The following CDH18 variants were observed in gnomAD, a reference collection of about 807,000 sequenced individuals.
CDH18 encodes the protein cadherin 18.
CDH18 carries 31 observed loss-of-function variants against 67.9 expected under a neutral mutation model. That is an observed-to-expected ratio of 0.46 (90% CI 0.34 to 0.62). CDH18 has a LOEUF of 0.62. Ranked by LOEUF, CDH18 falls within the 20% of genes least tolerant of loss-of-function variation. The pLI, the probability that CDH18 is intolerant of heterozygous loss-of-function variation, is 0.01. For missense variants in CDH18, 890 were observed against 975.5 expected (o/e 0.91, Z 1.17); for synonymous variants, 362 against 347.2 (o/e 1.04, Z -0.48).
At chr5:19,969,868 CCTAAAG>C (rs1797855484) in intron 2 of CDH18, among the ~76,000 whole-genome samples, 1 of 151,606 alleles carries the variant, frequency 6.6e-6, no homozygotes. Flanking sequence ...AAGAAGGTGT[CCTAAAG>C]AGTTTATAAA....
At chr5:20,287,870 T>A (rs974794694) in intron 1 of CDH18, among the ~76,000 whole-genome samples, 2 of 151,722 alleles carry the variant, frequency 1.3e-5, no homozygotes, top group African/African-American at 4.8e-5. Context: ...AGAAGAAAAA[T>A]GGCTTCATTG....
intron 3 of CDH18, among the ~76,000 whole-genome samples, chr5:19,748,134 G>GAAA (rs1554022366): frequency 3.0e-5 from 2 of 67,148 alleles, no homozygotes; most frequent in Non-Finnish European, 5.1e-5. Context: ...AAAAAAAAAA[G>GAAA]AGTACTTTTT....
intron 2 of CDH18, among the ~76,000 whole-genome samples, chr5:19,932,583 A>G (rs767108845): frequency 2.6e-5 from 4 of 151,668 alleles, no homozygotes; most frequent in Non-Finnish European, 4.4e-5. Flanking sequence ...CACACCTTGA[A>G]TTTACAAGCA....
At chr5:19,791,944 C>G (rs561103197) in intron 3 of CDH18, among the ~76,000 whole-genome samples, 1 of 152,124 alleles carries the variant, frequency 6.6e-6, no homozygotes, top group Non-Finnish European at 1.5e-5. Flanking sequence ...CCACAACAGA[C>G]TACTTTTTAG....
intron 3 of CDH18, among the ~76,000 whole-genome samples, chr5:19,769,489 G>C (rs1402899469): frequency 6.6e-6 from 1 of 152,026 alleles, no homozygotes; most frequent in Non-Finnish European, 1.5e-5. Flanking sequence ...AATGTTCCTA[G>C]ATAAACAACT....
At chr5:19,802,091 G>A (rs1366968086) in intron 3 of CDH18, among the ~76,000 whole-genome samples, 4 of 152,098 alleles carry the variant, frequency 2.6e-5, no homozygotes, top group African/African-American at 4.8e-5. Flanking sequence ...TAAATCATAC[G>A]TAAAAGAGAA....
At chr5:19,553,096 T>C (rs1309708514) in intron 8 of CDH18, among the ~76,000 whole-genome samples, 1 of 152,174 alleles carries the variant, frequency 6.6e-6, no homozygotes, top group African/African-American at 2.4e-5. Context: ...TTTACTCAAA[T>C]ATTTTCTTCC....
At position 19,839,081 on chromosome 5, in the gene CDH18, G is replaced by A. The variant is rs1293446823; in HGVS notation, c.-95C>T. 3.3e-6 allele frequency: 3 copies of A among 905,396 alleles called. No homozygotes were observed. Among genetic ancestry groups the A allele is most frequent in the Admixed American group, 2.0e-5 (1 of 49,550 alleles). 56.1% of individuals were successfully genotyped at this position (905,396 alleles called of 1,614,324 possible). On this transcript the variant is annotated 5_prime_UTR_variant, in exon 3 of 13. Coordinates refer to ENST00000382275, the MANE Select transcript of CDH18 (RefSeq NM_004934.5). ...CAAGAGAGAAGCCAGAGCATCTTTA[G>A]GAAGGACAGTCCAAAGTAAATTGTT... is the stretch of plus-strand genomic sequence containing the variant.
intron 5 of CDH18, among the ~76,000 whole-genome samples, chr5:19,622,718 T>G (rs979697173): frequency 6.6e-6 from 1 of 152,160 alleles, no homozygotes; most frequent in African/African-American, 2.4e-5. Context: ...GGCATCCAGC[T>G]GGGCCTAGTC....
intron 1 of CDH18, among the ~76,000 whole-genome samples, chr5:20,411,787 C>A (rs6870154): frequency 6.7e-6 from 1 of 150,198 alleles, no homozygotes; most frequent in African/African-American, 2.5e-5. Flanking sequence ...TACAATAGCC[C>A]CCTGCCCACA....
chr5:20,164,517 C>T (rs1224701352), intron 2 of CDH18, among the ~76,000 whole-genome samples: 2 of 103,860 alleles, frequency 1.9e-5, no homozygotes, highest in Non-Finnish European at 4.4e-5. Flanking sequence ...TCAGGTGATC[C>T]GTCCAGGTCG....
At chr5:19,756,267 C>A (rs1019474492) in intron 3 of CDH18, among the ~76,000 whole-genome samples, 2 of 152,134 alleles carry the variant, frequency 1.3e-5, no homozygotes, top group Non-Finnish European at 2.9e-5. Flanking sequence ...TTTCTTCATA[C>A]AAGTGTATAC....
At chr5:19,563,100 C>T (rs1177496874) in intron 8 of CDH18, among the ~76,000 whole-genome samples, 1 of 152,104 alleles carries the variant, frequency 6.6e-6, no homozygotes, top group Non-Finnish European at 1.5e-5. Context: ...TAATGGCTCT[C>T]TGAGCATTTA....
intron 5 of CDH18, among the ~76,000 whole-genome samples, chr5:19,675,438 G>C (rs4286670): frequency 0.89 from 135,679 of 151,756 alleles, 61,442 homozygotes; most frequent in Non-Finnish European, 0.96. Flanking sequence ...GTCCCCAATG[G>C]AGCCATTTCA....
At chr5:20,441,124 A>AT (rs142140211) in intron 1 of CDH18, among the ~76,000 whole-genome samples, 4,031 of 151,280 alleles carry the variant, frequency 0.027, 97 homozygotes, top group African/African-American at 0.036. Flanking sequence ...CAAGAACAGA[A>AT]TTTTTGTTTT....
rs1028031970 is a variant in CDH18 at position 19,515,023 on chromosome 5, A to G, written c.1512+5634T>C. ...TAATCCATCTCGAATTAATATCTGT[A>G]TAAGGTGTAAGGAAGGGATCCAGTT... On this transcript the variant is annotated intron_variant, in intron 10 of 12. Transcript: ENST00000382275. 8.5e-5 allele frequency among the ~76,000 whole-genome samples: 13 copies of G among 152,322 alleles called. No homozygotes were observed. The Middle Eastern group carries it at 0.017, about 199-fold the overall frequency.
intron 2 of CDH18, among the ~76,000 whole-genome samples, chr5:20,177,523 T>G (rs1737331745): frequency 6.6e-6 from 1 of 152,146 alleles, no homozygotes; most frequent in African/African-American, 2.4e-5. Context: ...ATGGTTAATT[T>G]TATGTGTCAA....
chr5:20,501,593 AT>A (rs1308880770), intron 1 of CDH18, among the ~76,000 whole-genome samples: 29 of 11,060 alleles, frequency 2.6e-3, no homozygotes, highest in African/African-American at 4.4e-3. Context: ...ATATATATAT[AT>A]TATATATATA....
chr5:20,273,225 C>A (rs1054970789), intron 1 of CDH18, among the ~76,000 whole-genome samples: 1 of 151,870 alleles, frequency 6.6e-6, no homozygotes, highest in Non-Finnish European at 1.5e-5. Flanking sequence ...AATATCGGGA[C>A]CTAGCATAGA....
Sources: gnomAD v4.1 joint callset for allele counts (sites outside exome capture counted in the v4.1 genomes callset) on GRCh38, gnomAD v4.1.1 for gene constraint, MANE v1.5 for transcripts, NCBI Gene and HGNC (gene_info 2026-07-23, HGNC 2026-07-21) for gene names.